Variants in ARHGAP31 observed in about 807,000 individuals in gnomAD.
ARHGAP31 encodes the protein Rho GTPase activating protein 31, also known as rho GTPase-activating protein 31.
ARHGAP31 carries 34 observed loss-of-function variants against 113.9 expected under a neutral mutation model. The ratio of observed to expected loss-of-function variants is 0.30; its 90% CI spans 0.23 to 0.40. The LOEUF is 0.40. Among genes scored for constraint, ARHGAP31 ranks in the 10% least tolerant of loss-of-function variants. ARHGAP31 has a pLI of 1.00. For missense variants in ARHGAP31, 1,548 were observed against 1,767.1 expected (o/e 0.88, Z 2.22); for synonymous variants, 650 against 684.8 (o/e 0.95, Z 0.79).
At chr3:119,333,638 A>G (rs1336612199) in intron 1 of ARHGAP31, among the ~76,000 whole-genome samples, 1 of 152,106 alleles carries the variant, frequency 6.6e-6, no homozygotes, top group African/African-American at 2.4e-5. Context: ...TTCCTTCCCA[A>G]CACTTATTAC....
At position 119,312,474 on chromosome 3, in the gene ARHGAP31, C is replaced by T. The variant is rs539732795; in HGVS notation, c.100+17470C>T. Reference sequence around the variant, plus strand: ...TCCATCCCATCTCTTTTTCTTCCAGCCTTCTCTTCATCTTTGTCATTTCCC... The same window carrying T: ...TCCATCCCATCTCTTTTTCTTCCAGTCTTCTCTTCATCTTTGTCATTTCCC... On this transcript the variant is annotated intron_variant, in intron 1 of 11. Coordinates refer to ENST00000264245, the MANE Select transcript of ARHGAP31 (RefSeq NM_020754.4). Among the ~76,000 whole-genome samples the T allele has an allele frequency of 1.7e-3, 263 of 152,292 alleles. 3 individuals carry two copies. Among genetic ancestry groups the T allele is most frequent in the Non-Finnish European group, 3.2e-3 (221 of 68,024 alleles).
intron 3 of ARHGAP31, among the ~76,000 whole-genome samples, chr3:119,378,216 C>T (rs1006758578): frequency 6.6e-6 from 1 of 152,148 alleles, no homozygotes; most frequent in Non-Finnish European, 1.5e-5. Context: ...AATTTCCACT[C>T]CCATCCCCCA....
intron 1 of ARHGAP31, among the ~76,000 whole-genome samples, chr3:119,336,280 A>T (rs1436305993): frequency 2.0e-5 from 3 of 152,222 alleles, no homozygotes; most frequent in Non-Finnish European, 4.4e-5. Flanking sequence ...GACTTCCTAA[A>T]ATGGGTATCA....
intron 1 of ARHGAP31, among the ~76,000 whole-genome samples, chr3:119,321,279 C>CTATATATATATATAGTATATATATATAG (rs1559965786): frequency 3.6e-5 from 5 of 140,428 alleles, no homozygotes; most frequent in Admixed American, 7.2e-5. Flanking sequence ...TATATATATA[C>CTATATATATATATAGTATATATATATAG]TATATATATA....
intron 7 of ARHGAP31, among the ~76,000 whole-genome samples, chr3:119,391,915 T>G (rs2080508308): frequency 6.6e-6 from 1 of 152,146 alleles, no homozygotes; most frequent in Non-Finnish European, 1.5e-5. Flanking sequence ...CCACTGCTCC[T>G]TTCCCTAAGT....
chr3:119,359,125 C>T (rs2080183234), intron 1 of ARHGAP31, among the ~76,000 whole-genome samples: 1 of 151,602 alleles, frequency 6.6e-6, no homozygotes, highest in African/African-American at 2.4e-5. Flanking sequence ...TCAAGCGATT[C>T]TCCTGCCTCA....
intron 1 of ARHGAP31, among the ~76,000 whole-genome samples, chr3:119,340,694 C>G (rs889539454): frequency 2.0e-5 from 3 of 152,138 alleles, no homozygotes; most frequent in East Asian, 1.9e-4. Flanking sequence ...CAGCCTAGTG[C>G]GCAGTGTGGC....
At chr3:119,406,544 T>G (rs1652349219) in intron 10 of ARHGAP31, among the ~76,000 whole-genome samples, 1 of 152,176 alleles carries the variant, frequency 6.6e-6, no homozygotes, top group Non-Finnish European at 1.5e-5. Context: ...ATCCACACAG[T>G]GAAGTTCTAT....
intron 1 of ARHGAP31, among the ~76,000 whole-genome samples, chr3:119,313,336 A>C (rs2079699181): frequency 3.9e-5 from 6 of 152,146 alleles, no homozygotes; most frequent in Admixed American, 3.9e-4. Context: ...ACCATAATTT[A>C]TTTCACCATT....
At chr3:119,394,713 G>T (rs1269929268) in intron 8 of ARHGAP31, among the ~76,000 whole-genome samples, 1 of 152,120 alleles carries the variant, frequency 6.6e-6, no homozygotes, top group African/African-American at 2.4e-5. Context: ...CCAACACTTT[G>T]GGAAGCTGAG....
intron 4 of ARHGAP31, among the ~76,000 whole-genome samples, chr3:119,381,375 A>G (rs1042891544): frequency 6.6e-6 from 1 of 152,070 alleles, no homozygotes; most frequent in African/African-American, 2.4e-5. Flanking sequence ...TGATTGTTCT[A>G]TTTGCTCATT....
At chr3:119,347,194 T>C (rs1362084865) in intron 1 of ARHGAP31, among the ~76,000 whole-genome samples, 1 of 152,160 alleles carries the variant, frequency 6.6e-6, no homozygotes, top group East Asian at 1.9e-4. Flanking sequence ...GGCCCAGCCT[T>C]TTCTTCCACT....
At position 119,419,467 on chromosome 3, in the gene ARHGAP31, G is replaced by C. The variant is rs1182092449; in HGVS notation, c.*3203G>C. On this transcript the variant is annotated 3_prime_UTR_variant, in exon 12 of 12. Coordinates refer to ENST00000264245, the MANE Select transcript of ARHGAP31 (RefSeq NM_020754.4). The stretch of plus-strand genomic sequence containing the variant: ...TCTAGACTCTGAGGACATTAAAAAT[G>C]TAAATATCATCATCCTTAGCAAATA... The C allele has an allele frequency of 6.6e-6, 1 of 152,086 alleles. No individual in the cohort carries two copies. Among genetic ancestry groups the C allele is most frequent in the Non-Finnish European group, 1.5e-5 (1 of 68,014 alleles). The allele number at this position is 152,086 out of a possible 1,614,324, so 9.4% of individuals were successfully genotyped here.
chr3:119,402,686 A>G (rs2080623224), intron 10 of ARHGAP31, among the ~76,000 whole-genome samples: 1 of 152,240 alleles, frequency 6.6e-6, no homozygotes, highest in African/African-American at 2.4e-5. Context: ...AAGCTCTCAG[A>G]ACAGTGTCTA....
At chr3:119,318,884 A>G (rs1490911373) in intron 1 of ARHGAP31, among the ~76,000 whole-genome samples, 1 of 152,200 alleles carries the variant, frequency 6.6e-6, no homozygotes, top group African/African-American at 2.4e-5. Context: ...GCTACATTCC[A>G]GTATTAGATG....
chr3:119,386,677 G>C (rs1161990156), intron 6 of ARHGAP31, among the ~76,000 whole-genome samples: 1 of 152,214 alleles, frequency 6.6e-6, no homozygotes, highest in Non-Finnish European at 1.5e-5. Context: ...AATGTGCGGA[G>C]ACCAGTAGTG....
In ARHGAP31 at chr3:119,420,404, T is replaced by C. The variant is rs1278779189; in HGVS notation, c.*4140T>C. 1 of 152,266 alleles carries C rather than the reference T, an allele frequency of 6.6e-6. No individual in the cohort carries two copies. Among genetic ancestry groups the C allele is most frequent in the Non-Finnish European group, 1.5e-5 (1 of 68,074 alleles). The allele number at this position is 152,266 out of a possible 1,614,324, so 9.4% of individuals were successfully genotyped here. A position where few individuals can be genotyped will look rare whatever the true frequency, so the allele number is the denominator to read the frequency against. On this transcript the variant is annotated 3_prime_UTR_variant, in exon 12 of 12. Transcript: ENST00000264245. Reference sequence around the variant, plus strand: ...GGCCAGAAGAGGGAGCAAGCATCTTTCCAAGCATGGAGAGGAGGGGGCAAT... The same window carrying C: ...GGCCAGAAGAGGGAGCAAGCATCTTCCCAAGCATGGAGAGGAGGGGGCAAT...
chr3:119,352,500 C>G (rs931363053), intron 1 of ARHGAP31, among the ~76,000 whole-genome samples: 1 of 152,190 alleles, frequency 6.6e-6, no homozygotes, highest in Non-Finnish European at 1.5e-5. Flanking sequence ...TCTCACTTCC[C>G]CTTTCGTTGA....
chr3:119,308,041 C>T (rs1190654487), intron 1 of ARHGAP31, among the ~76,000 whole-genome samples: 3 of 150,246 alleles, frequency 2.0e-5, no homozygotes, highest in Admixed American at 6.7e-5. Flanking sequence ...TGGAGTCACG[C>T]ACGCAGCGTT....
Sources: allele counts gnomAD v4.1 joint callset (sites outside exome capture counted in the v4.1 genomes callset), GRCh38; gene constraint gnomAD v4.1.1; transcripts MANE v1.5; gene names NCBI Gene and HGNC (gene_info 2026-07-23, HGNC 2026-07-21).